The following VSNL1 variants were observed in gnomAD, a reference collection of about 807,000 sequenced individuals.
VSNL1 encodes the protein visinin like 1, also known as visinin-like protein 1.
Under a neutral mutation model 20.4 loss-of-function variants are expected in VSNL1, and 6 were observed. The observed-to-expected ratio is 0.29, with a 90% CI of 0.16 to 0.58. The LOEUF (loss-of-function observed/expected upper bound fraction) is 0.58, where lower values mean the gene tolerates loss of function less well. VSNL1 is among the 20% of genes least tolerant of loss of function. The pLI is 0.90. For synonymous variants in VSNL1, 93 were observed against 86.4 expected (o/e 1.08, Z -0.42); for missense variants, 100 against 234.5 (o/e 0.43, Z 3.75).
chr2:17,628,808 A>T (rs1053684046), intron 2 of VSNL1, among the ~76,000 whole-genome samples: 2 of 152,158 alleles, frequency 1.3e-5, no homozygotes, highest in African/African-American at 2.4e-5. Context: ...CCCTGCTGGG[A>T]TCTTCAGGGA....
intron 1 of VSNL1, among the ~76,000 whole-genome samples, chr2:17,589,592 C>T (rs1664553090): frequency 6.6e-6 from 1 of 152,176 alleles, no homozygotes; most frequent in Admixed American, 6.5e-5. Flanking sequence ...AGTGATGGTG[C>T]AGACCCATAC....
At chr2:17,651,183 C>A (rs757669830) in intron 3 of VSNL1, among the ~76,000 whole-genome samples, 2 of 152,194 alleles carry the variant, frequency 1.3e-5, no homozygotes, top group Non-Finnish European at 2.9e-5. Context: ...CAAAACTTTT[C>A]TCTCTAATCC....
chr2:17,615,134 C>T (rs572053338), intron 2 of VSNL1, among the ~76,000 whole-genome samples: 23 of 152,254 alleles, frequency 1.5e-4, no homozygotes, highest in African/African-American at 5.5e-4. Flanking sequence ...AAGCCAATTG[C>T]AAAACCCTAT....
At chr2:17,617,809 T>C (rs1665250157) in intron 2 of VSNL1, among the ~76,000 whole-genome samples, 1 of 152,098 alleles carries the variant, frequency 6.6e-6, no homozygotes, top group Non-Finnish European at 1.5e-5. Flanking sequence ...TGAACAGGGC[T>C]GAATTGTTGC....
At chr2:17,632,481 A>C (rs937632262) in intron 2 of VSNL1, among the ~76,000 whole-genome samples, 7 of 151,900 alleles carry the variant, frequency 4.6e-5, no homozygotes, top group Admixed American at 6.6e-5. Context: ...TTGTATTTTT[A>C]GTAGAGATGG....
intron 2 of VSNL1, among the ~76,000 whole-genome samples, chr2:17,624,560 TGAAAGAG>T (rs1263171988): frequency 6.6e-6 from 1 of 152,076 alleles, no homozygotes; most frequent in Non-Finnish European, 1.5e-5. Flanking sequence ...GTCCTTAAAG[TGAAAGAG>T]GGAGGCAGAA....
At chr2:17,567,902 C>A (rs1466398432) in intron 1 of VSNL1, among the ~76,000 whole-genome samples, 4 of 151,984 alleles carry the variant, frequency 2.6e-5, no homozygotes, top group East Asian at 1.9e-4. Flanking sequence ...CCAGGAATAA[C>A]CCCTGCTTGA....
At chr2:17,570,415 C>T (rs900228096) in intron 1 of VSNL1, among the ~76,000 whole-genome samples, 1 of 152,088 alleles carries the variant, frequency 6.6e-6, no homozygotes, top group Non-Finnish European at 1.5e-5. Flanking sequence ...GCTATTTAGG[C>T]CCATTATGAA....
rs1437365975 is a variant in VSNL1 at position 17,634,366 on chromosome 2, T to C, written c.163-15044T>C. Among the ~76,000 whole-genome samples the C allele has an allele frequency of 6.6e-6, 1 of 152,118 alleles. No homozygotes were observed. Among genetic ancestry groups the C allele is most frequent in the Non-Finnish European group, 1.5e-5 (1 of 68,030 alleles). Reference sequence around the variant, plus strand: ...TGAGCCCTGCAAATTATGTAAGAGGTCCTGGCAAGACTTGAGGCAAAGTTT... The same window carrying C: ...TGAGCCCTGCAAATTATGTAAGAGGCCCTGGCAAGACTTGAGGCAAAGTTT... On this transcript the variant is annotated intron_variant, in intron 2 of 3. Transcript: ENST00000295156. The surrounding 1 kb of genome is among the most constrained non-coding windows in gnomAD (Gnocchi z 4.3).
chr2:17,577,259 T>A lies in VSNL1; in HGVS notation c.-5-14811T>A, dbSNP rs752424302. ...CACATACATAGCTATTAACCTTTTGTCTATATTTTCAGTTTCTGATAGTTT... is the reference window on the plus strand; with the variant it reads ...CACATACATAGCTATTAACCTTTTGACTATATTTTCAGTTTCTGATAGTTT... On this transcript the variant is annotated intron_variant, in intron 1 of 3. Coordinates refer to ENST00000295156, the MANE Select transcript of VSNL1 (RefSeq NM_003385.5). Among the ~76,000 whole-genome samples, 80 of 152,268 alleles carry A rather than the reference T, an allele frequency of 5.3e-4. 1 individual carries two copies. Among genetic ancestry groups the A allele is most frequent in the Admixed American group, 1.2e-3 (18 of 15,288 alleles).
chr2:17,567,904 C>T (rs1180576623), intron 1 of VSNL1, among the ~76,000 whole-genome samples: 2 of 151,966 alleles, frequency 1.3e-5, no homozygotes, highest in African/African-American at 2.4e-5. Context: ...AGGAATAACC[C>T]CTGCTTGATA....
chr2:17,613,757 C>T (rs28575703), intron 2 of VSNL1, among the ~76,000 whole-genome samples: 8,077 of 152,246 alleles, frequency 0.053, 762 homozygotes, highest in African/African-American at 0.18. Context: ...CATCTTTCCA[C>T]GTTTCATCCT....
chr2:17,641,578 T>C (rs917993816), intron 2 of VSNL1, among the ~76,000 whole-genome samples: 7 of 152,196 alleles, frequency 4.6e-5, no homozygotes, highest in African/African-American at 1.7e-4. Flanking sequence ...TTGACCCGAT[T>C]TATAGTGCAA....
At chr2:17,575,204 G>A (rs1664178831) in intron 1 of VSNL1, among the ~76,000 whole-genome samples, 1 of 152,198 alleles carries the variant, frequency 6.6e-6, no homozygotes, top group Admixed American at 6.5e-5. Flanking sequence ...AGGTAGAAAT[G>A]CAGGCTGGTT....
intron 1 of VSNL1, among the ~76,000 whole-genome samples, chr2:17,571,661 T>C (rs948319281): frequency 6.6e-6 from 1 of 152,158 alleles, no homozygotes; most frequent in African/African-American, 2.4e-5. Context: ...ACAGACCAGG[T>C]TCCTGCCCTC....
chr2:17,561,247 T>C (rs1663807233), intron 1 of VSNL1, among the ~76,000 whole-genome samples: 1 of 152,172 alleles, frequency 6.6e-6, no homozygotes, highest in South Asian at 2.1e-4. Context: ...TAACAGCCTA[T>C]GGAATCTAGG....
chr2:17,621,276 CTT>C (rs1312482810), intron 2 of VSNL1, among the ~76,000 whole-genome samples: 4 of 150,088 alleles, frequency 2.7e-5, no homozygotes, highest in East Asian at 3.9e-4. Context: ...CTTTCTTCCT[CTT>C]TCTTTTTTTC....
At chr2:17,648,521 T>G (rs1329084839) in intron 2 of VSNL1, among the ~76,000 whole-genome samples, 1 of 152,232 alleles carries the variant, frequency 6.6e-6, no homozygotes. Context: ...GAACCCAGAT[T>G]TATTCATCCA....
At chr2:17,563,248 T>G (rs975552150) in intron 1 of VSNL1, among the ~76,000 whole-genome samples, 4 of 152,240 alleles carry the variant, frequency 2.6e-5, no homozygotes, top group African/African-American at 9.6e-5. Flanking sequence ...CCAGCAGGGT[T>G]ATAAAATTAT....
Sources: gnomAD v4.1 joint callset for allele counts (sites outside exome capture counted in the v4.1 genomes callset) on GRCh38, gnomAD v4.1.1 for gene constraint, Gnocchi (gnomAD v3.1) non-coding constraint, MANE v1.5 for transcripts, NCBI Gene and HGNC (gene_info 2026-07-23, HGNC 2026-07-21) for gene names.